ATP10D: variants seen among roughly 807,000 people sequenced by gnomAD.
ATP10D encodes phospholipid-transporting ATPase VD.
ATP10D carries 89 observed loss-of-function variants against 144.8 expected under a neutral mutation model. The observed-to-expected ratio is 0.61, with a 90% CI of 0.52 to 0.73. The LOEUF (loss-of-function observed/expected upper bound fraction) is 0.73. Among genes scored for constraint, ATP10D ranks in the 30% least tolerant of loss-of-function variants. The pLI is 0.00. For synonymous variants in ATP10D, 571 were observed against 615.1 expected (o/e 0.93, Z 1.06); for missense variants, 1,603 against 1,714.8 (o/e 0.93, Z 1.15).
chr4:47,536,808 C>A lies in ATP10D; in HGVS notation c.1266C>A (p.Ala422=), dbSNP rs766371060. The change falls in exon 9 of 23, where the codon GCC becomes GCA. Residue 422 remains alanine, a synonymous_variant. Coordinates refer to ENST00000273859, the MANE Select transcript of ATP10D (RefSeq NM_020453.4). ...TGGATTCTATTGTTCAGTGCCGAGCCCTGAACATCGCCGAGGATCTGGGAC... is the reference window on the plus strand; with the variant it reads ...TGGATTCTATTGTTCAGTGCCGAGCACTGAACATCGCCGAGGATCTGGGAC... ...EKMDSIVQCR[A]LNIAEDLGQI... 2 of 1,613,150 alleles carry A rather than the reference C, an allele frequency of 1.2e-6. No homozygotes were observed. Among genetic ancestry groups the A allele is most frequent in the Non-Finnish European group, 1.7e-6 (2 of 1,179,600 alleles).
chr4:47,529,959 T>C (rs986763420), intron 5 of ATP10D, among the ~76,000 whole-genome samples: 4 of 152,146 alleles, frequency 2.6e-5, no homozygotes, highest in African/African-American at 9.7e-5. Flanking sequence ...ATGTTATTGG[T>C]ATATAGAAAT....
Position 47,568,966 on chromosome 4 carries a change from G to A in ATP10D, c.2983G>A (p.Ala995Thr). The A allele has an allele frequency of 1.9e-6, 3 of 1,614,174 alleles. No individual in the cohort carries two copies. Among genetic ancestry groups the A allele is most frequent in the Non-Finnish European group, 2.5e-6 (3 of 1,180,036 alleles). The part of the protein sequence containing the change: ...PPVPRDSGLR[A>T]GLIITGKTLE... ...TGTCCCCCGGGACTCAGGGTTACGA[G>A]CTGGACTCATTATCACTGGGAAGAC... The change falls in exon 16 of 23, where the codon GCT becomes ACT. Residue 995 changes from alanine to threonine, a missense_variant. Physicochemically the swap from Ala to Thr is moderately conservative, Grantham distance 58 (BLOSUM62 0). Transcript: ENST00000273859.
At chr4:47,538,063 G>A (rs914615388) in intron 9 of ATP10D, among the ~76,000 whole-genome samples, 1 of 152,046 alleles carries the variant, frequency 6.6e-6, no homozygotes, top group Non-Finnish European at 1.5e-5. Flanking sequence ...GAAAAATAAT[G>A]CTTCTTTTTC....
At chr4:47,491,235 AC>A (rs779961695) in intron 1 of ATP10D, 5 of 778,368 alleles carry the variant, frequency 6.4e-6, no homozygotes, top group Non-Finnish European at 1.2e-5. Flanking sequence ...TAACTTGTTT[AC>A]AACAATGCCA....
At chr4:47,571,978 C>A (rs1375656712) in intron 16 of ATP10D, among the ~76,000 whole-genome samples, 176 bp from the exon 17 acceptor site, 1 of 152,170 alleles carries the variant, frequency 6.6e-6, no homozygotes, top group African/African-American at 2.4e-5. Context: ...GGAATTCTTC[C>A]TGATGGCAGT....
chr4:47,550,838 G>A (rs974175617), intron 10 of ATP10D, among the ~76,000 whole-genome samples: 14 of 152,138 alleles, frequency 9.2e-5, no homozygotes, highest in East Asian at 3.9e-4. Flanking sequence ...AGTCAGCGGC[G>A]GGTCTGCGAT....
intron 10 of ATP10D, among the ~76,000 whole-genome samples, chr4:47,549,114 A>G (rs1310990828): frequency 1.3e-5 from 2 of 152,246 alleles, no homozygotes; most frequent in Non-Finnish European, 2.9e-5. Context: ...TCCTGGGTTC[A>G]TAGTACCTAT....
chr4:47,531,028 G>A (rs1433727453), intron 5 of ATP10D, among the ~76,000 whole-genome samples: 2 of 152,024 alleles, frequency 1.3e-5, no homozygotes, highest in Non-Finnish European at 2.9e-5. Flanking sequence ...GAGTTAGGGA[G>A]CCCCTAATCT....
chr4:47,541,567 C>T (rs1471395104), intron 9 of ATP10D, among the ~76,000 whole-genome samples: 1 of 152,042 alleles, frequency 6.6e-6, no homozygotes, highest in African/African-American at 2.4e-5. Context: ...TACAAGCAGG[C>T]AAAAGTTGGA....
At chr4:47,581,843 C>A in intron 20 of ATP10D, 117 bp from the exon 21 acceptor site, 1 of 733,974 alleles carries the variant, frequency 1.4e-6, no homozygotes, top group Admixed American at 2.2e-5. Context: ...TTCATATGGC[C>A]AGTTCACAGG....
intron 1 of ATP10D, among the ~76,000 whole-genome samples, chr4:47,509,700 C>A (rs59699943): frequency 0.013 from 1,994 of 152,228 alleles, 58 homozygotes; most frequent in African/African-American, 0.044. Context: ...CTGTTTTCTG[C>A]ATTTGGGGTT....
chr4:47,521,038 G>A lies in ATP10D; in HGVS notation c.486-1974G>A, dbSNP rs139099879. 8.8e-3 allele frequency among the ~76,000 whole-genome samples: 1,333 copies of A among 152,204 alleles called. 15 individuals carry two copies. The highest frequency in any genetic ancestry group is 0.02 in the South Asian group (98 of 4,806). ...GACTCCTCTGTGGCTTTCAACTATT[G>A]TGACTCCCTCTTATAAATTTCCTTC... On this transcript the variant is annotated intron_variant, in intron 3 of 22. Coordinates refer to ENST00000273859, the MANE Select transcript of ATP10D (RefSeq NM_020453.4).
In ATP10D at chr4:47,546,843, C is replaced by T. The variant is rs1197190099; in HGVS notation, c.1616C>T (p.Ala539Val). 13 of 1,612,840 alleles carry T rather than the reference C, an allele frequency of 8.1e-6. No individual in the cohort carries two copies. The South Asian group carries it at 1.1e-4, about 14-fold the overall frequency. ...GASEVPHSRQ[A>V]AFSSPIETDV... Reference sequence around the variant, plus strand: ...AGTGAAGTGCCTCATTCCAGACAGGCTGCTTTCAGTAGCCCCATTGTAAGT... The same window carrying T: ...AGTGAAGTGCCTCATTCCAGACAGGTTGCTTTCAGTAGCCCCATTGTAAGT... The change falls in exon 10 of 23, where the codon GCT (alanine) becomes GTT (valine). Residue 539 changes from alanine to valine, a missense_variant. Transcript: ENST00000273859.
chr4:47,536,678 C>G lies in ATP10D; in HGVS notation c.1144-8C>G, dbSNP rs553732577. 1 of 1,599,556 alleles carries G rather than the reference C, an allele frequency of 6.3e-7. No homozygotes were observed. The highest frequency in any genetic ancestry group is 1.7e-5 in the Admixed American group (1 of 57,352). On this transcript the variant is annotated splice_polypyrimidine_tract_variant and splice_region_variant and intron_variant, in intron 8 of 22. Transcript: ENST00000273859. Reference sequence around the variant, plus strand: ...TTAACATTTTAAAACTTGTTTGGATCTTCTTAGGTCTTGATTCCTATTTCT... The same window carrying G: ...TTAACATTTTAAAACTTGTTTGGATGTTCTTAGGTCTTGATTCCTATTTCT...
At chr4:47,569,205 ATCCTTCTGTCTCTTTCTTCTCCCACTGT>A in intron 16 of ATP10D, 59 bp downstream of exon 16, 1 of 1,542,274 alleles carries the variant, frequency 6.5e-7, no homozygotes, top group East Asian at 2.3e-5. Flanking sequence ...CCAGACACCG[ATCCTTCTGTCTCTTTCTTCTCCCACTGT>A]TCCTTCCATT....
At position 47,534,580 on chromosome 4, in the gene ATP10D, T is replaced by C. The variant is rs567550175; in HGVS notation, c.777-929T>C. On this transcript the variant is annotated intron_variant, in intron 5 of 22. Coordinates refer to ENST00000273859, the MANE Select transcript of ATP10D (RefSeq NM_020453.4). ...ATTGTAAGATTAGTGTTATCAGCCT[T>C]ATCCTATTATTATAAAGTTCCCATC... 2.0e-5 allele frequency among the ~76,000 whole-genome samples: 3 copies of C among 152,300 alleles called. No individual in the cohort carries two copies. The South Asian group carries it at 6.2e-4, about 32-fold the overall frequency.
At chr4:47,554,985 C>A in intron 11 of ATP10D, 71 bp downstream of exon 11, 1 of 1,278,734 alleles carries the variant, frequency 7.8e-7, no homozygotes, top group Non-Finnish European at 1.1e-6. Flanking sequence ...TGTATCTGTA[C>A]TGAGCTTGAT....
At chr4:47,584,600 C>A (rs898845329) in intron 21 of ATP10D, among the ~76,000 whole-genome samples, 1 of 151,974 alleles carries the variant, frequency 6.6e-6, no homozygotes, top group Non-Finnish European at 1.5e-5. Flanking sequence ...GTTTCACCAT[C>A]TTAGCCAGGA....
chr4:47,517,007 G>A (rs7655766), intron 3 of ATP10D, among the ~76,000 whole-genome samples: 49,314 of 152,160 alleles, frequency 0.32, 8,196 homozygotes, highest in Admixed American at 0.39. Flanking sequence ...CAATGATTAT[G>A]TGATGAACAA....
Sources: gnomAD v4.1 joint callset for allele counts (sites outside exome capture counted in the v4.1 genomes callset) on GRCh38, gnomAD v4.1.1 for gene constraint, MANE v1.5 for transcripts, NCBI Gene and HGNC (gene_info 2026-07-23, HGNC 2026-07-21) for gene names.